LRBA: variants seen among roughly 807,000 people sequenced by gnomAD.
The protein encoded by LRBA is lipopolysaccharide-responsive and beige-like anchor protein.
Under a neutral mutation model 330.0 loss-of-function variants are expected in LRBA, and 176 were observed. The ratio of observed to expected loss-of-function variants is 0.53; its 90% confidence interval spans 0.47 to 0.60. The LOEUF (loss-of-function observed/expected upper bound fraction) is 0.60. Among genes scored for constraint, LRBA ranks in the 20% least tolerant of loss-of-function variants. LRBA has a pLI of 0.00. For missense variants in LRBA, 3,259 were observed against 3,444.8 expected (o/e 0.95, Z 1.35); for synonymous variants, 1,230 against 1,193.0 (o/e 1.03, Z -0.64).
At chr4:150,844,293 C>A (rs868141255) in intron 27 of LRBA, 86 bp from the exon 28 acceptor site, 7 of 709,520 alleles carry the variant, frequency 9.9e-6, no homozygotes, top group African/African-American at 3.6e-5. Context: ...ACAGTATTCC[C>A]AGAACCAGAA....
At chr4:150,973,000 T>TCC (rs879916197) in intron 2 of LRBA, among the ~76,000 whole-genome samples, 5 of 152,156 alleles carry the variant, frequency 3.3e-5, no homozygotes, top group Non-Finnish European at 7.3e-5. Context: ...CAATAATTAG[T>TCC]CTTGGCCGGG....
chr4:150,537,684 C>T lies in LRBA; in HGVS notation c.6331-46649G>A, dbSNP rs76263313. Among the ~76,000 whole-genome samples, 2,728 of 152,272 alleles carry T rather than the reference C, an allele frequency of 0.018. 142 individuals carry two copies. The South Asian group carries it at 0.22, about 12-fold the overall frequency. ...GTGAACAAAGGACCGGGCACAGTGGCTTACACCTGTAATCCCAGCACTTTG... is the reference window on the plus strand; with the variant it reads ...GTGAACAAAGGACCGGGCACAGTGGTTTACACCTGTAATCCCAGCACTTTG... On this transcript the variant is annotated intron_variant, in intron 40 of 56. Transcript: ENST00000651943.
intron 47 of LRBA, among the ~76,000 whole-genome samples, chr4:150,383,563 A>G (rs778103796): frequency 3.3e-5 from 5 of 152,128 alleles, no homozygotes; most frequent in African/African-American, 2.4e-5. Context: ...TTTTGTATAG[A>G]TAACTTAAAA....
chr4:150,805,274 AAAGGAAAGGAG>A (rs1742439536), intron 33 of LRBA, among the ~76,000 whole-genome samples: 1 of 129,894 alleles, frequency 7.7e-6, no homozygotes, highest in African/African-American at 2.8e-5. Context: ...GAAGGAAAGG[AAAGGAAAGGAG>A]AAGGAAAGGA....
intron 23 of LRBA, among the ~76,000 whole-genome samples, chr4:150,851,329 G>C (rs1750587794): frequency 6.6e-6 from 1 of 152,138 alleles, no homozygotes; most frequent in African/African-American, 2.4e-5. Flanking sequence ...AAAAAAAGGA[G>C]GGTGGGACAG....
At chr4:150,670,119 T>C (rs974902846) in intron 37 of LRBA, among the ~76,000 whole-genome samples, 6 of 152,204 alleles carry the variant, frequency 3.9e-5, no homozygotes, top group Non-Finnish European at 5.9e-5. Flanking sequence ...AATGGAATTA[T>C]CTTTTTTCTC....
chr4:150,985,790 G>A lies in LRBA; in HGVS notation c.216+28637C>T, dbSNP rs749826066. 7.2e-5 allele frequency among the ~76,000 whole-genome samples: 11 copies of A among 152,034 alleles called. 1 individual carries two copies. Among genetic ancestry groups the A allele is most frequent in the Admixed American group, 3.9e-4 (6 of 15,256 alleles). On this transcript the variant is annotated intron_variant, in intron 2 of 56. Coordinates refer to ENST00000651943, the MANE Select transcript of LRBA (RefSeq NM_001364905.1). ...TGGGATTACAGGCGTGAGCCACCGCGCCCAGTTGAATTGCACGTTTTTAAT... is the reference window on the plus strand; with the variant it reads ...TGGGATTACAGGCGTGAGCCACCGCACCCAGTTGAATTGCACGTTTTTAAT...
intron 40 of LRBA, among the ~76,000 whole-genome samples, chr4:150,500,899 A>T (rs565453197): frequency 6.6e-6 from 1 of 152,344 alleles, no homozygotes; most frequent in South Asian, 2.1e-4. Flanking sequence ...AATCAGAGGG[A>T]AATACTTTTC....
intron 9 of LRBA, among the ~76,000 whole-genome samples, chr4:150,913,637 T>C (rs1732259524): frequency 6.6e-6 from 1 of 152,256 alleles, no homozygotes; most frequent in Non-Finnish European, 1.5e-5. Flanking sequence ...TACTGAAGTG[T>C]CCTACTATAA....
intron 37 of LRBA, among the ~76,000 whole-genome samples, chr4:150,628,014 G>A (rs992325153): frequency 1.3e-5 from 2 of 151,746 alleles, no homozygotes; most frequent in Admixed American, 1.3e-4. Context: ...TTCCTTTTTC[G>A]CCATGTTAAG....
intron 26 of LRBA, among the ~76,000 whole-genome samples, chr4:150,847,176 G>C (rs1054981360): frequency 1.3e-5 from 2 of 152,058 alleles, no homozygotes; most frequent in African/African-American, 4.8e-5. Flanking sequence ...CTATAGATAA[G>C]TTTCCCAATT....
chr4:150,323,025 G>GTGTGTGTGTGTGTGTGTTTT (rs373782725), intron 49 of LRBA, among the ~76,000 whole-genome samples: 1 of 142,544 alleles, frequency 7.0e-6, no homozygotes, highest in Non-Finnish European at 1.5e-5. Context: ...GTGTGTGTGT[G>GTGTGTGTGTGTGTGTGTTTT]GGGATGCATT....
intron 35 of LRBA, among the ~76,000 whole-genome samples, chr4:150,745,092 A>G (rs1253336084): frequency 6.6e-6 from 1 of 151,970 alleles, no homozygotes; most frequent in Non-Finnish European, 1.5e-5. Context: ...TCAGTACCAC[A>G]ACAGCATGGA....
chr4:150,271,831 A>G (rs1307414051), intron 56 of LRBA, among the ~76,000 whole-genome samples: 1 of 152,150 alleles, frequency 6.6e-6, no homozygotes, highest in Non-Finnish European at 1.5e-5. Flanking sequence ...TGGGCAGGGC[A>G]TCTCTGAAAA....
intron 42 of LRBA, among the ~76,000 whole-genome samples, chr4:150,487,249 C>A (rs1757989769): frequency 1.3e-5 from 2 of 149,754 alleles, no homozygotes. Context: ...CACACATATA[C>A]CATTATGATA....
At chr4:150,672,936 G>A (rs1263760507) in intron 37 of LRBA, among the ~76,000 whole-genome samples, 3 of 152,126 alleles carry the variant, frequency 2.0e-5, no homozygotes, top group African/African-American at 7.2e-5. Context: ...AAGGAAAGTA[G>A]TAAGGAGAAG....
chr4:150,654,817 G>C (rs1780027835), intron 37 of LRBA, among the ~76,000 whole-genome samples: 1 of 152,042 alleles, frequency 6.6e-6, no homozygotes, highest in Non-Finnish European at 1.5e-5. Context: ...CCTTGCGATA[G>C]TTTGCTGAGA....
At position 150,777,016 on chromosome 4, in the gene LRBA, GCTAA is replaced by G. The variant is rs1468675757; in HGVS notation, c.5581-15173_5581-15170del. Among the ~76,000 whole-genome samples, 6 of 152,024 alleles carry G rather than the reference GCTAA, an allele frequency of 3.9e-5. No homozygotes were observed. In the East Asian group the frequency reaches 7.7e-4, roughly 20 times the overall value. ...CTATGAAAATACAAAAGTATTATAA[GCTAA>G]CTATTAAGAATCTGTACTTTTTTTA... On this transcript the variant is annotated intron_variant, in intron 34 of 56. Transcript: ENST00000651943.
intron 54 of LRBA, 107 bp downstream of exon 54, chr4:150,285,826 A>G (rs1748072005): frequency 3.4e-6 from 2 of 591,746 alleles, no homozygotes; most frequent in Admixed American, 7.7e-5. Flanking sequence ...AATGGCTATC[A>G]TAACAGACAG....
Sources: gnomAD v4.1 joint callset for allele counts (sites outside exome capture counted in the v4.1 genomes callset) on GRCh38, gnomAD v4.1.1 for gene constraint, MANE v1.5 for transcripts, NCBI Gene and HGNC (gene_info 2026-07-23, HGNC 2026-07-21) for gene names.